KCNQ1: variants seen among roughly 807,000 people sequenced by gnomAD.
KCNQ1 encodes potassium voltage-gated channel subfamily Q member 1, also known as potassium voltage-gated channel subfamily KQT member 1.
In KCNQ1, 49 loss-of-function variants were observed where a neutral mutation model predicts 72.4. The observed-to-expected ratio is 0.68, with a 90% CI of 0.54 to 0.86. The LOEUF is 0.86. Ranked by LOEUF, KCNQ1 falls within the 40% of genes least tolerant of loss-of-function variation. The pLI is 0.00. For synonymous variants in KCNQ1, 450 were observed against 412.6 expected, an observed-to-expected ratio of 1.09 and a Z score of -1.10; for missense variants, 790 against 945.1, an observed-to-expected ratio of 0.84 and a Z score of 2.15.
chr11:2,445,212 G>A lies in KCNQ1; in HGVS notation c.114G>A (p.Leu38=), dbSNP rs1386513213. The A allele has an allele frequency of 1.8e-6, 2 of 1,140,576 alleles. No homozygotes were observed. Among genetic ancestry groups the A allele is most frequent in the Non-Finnish European group, 2.2e-6 (2 of 925,516 alleles). 70.7% of individuals were successfully genotyped at this position (1,140,576 alleles called of 1,614,324 possible). A position where few individuals can be genotyped will look rare whatever the true frequency, so the allele number is the denominator to read the frequency against. ...TGGCCAAGAAGTGCCCCTTCTCGCT[G>A]GAGCTGGCGGAGGGCGGCCCGGCGG... is the stretch of plus-strand genomic sequence containing the variant. The part of the protein sequence containing the change: ...AGLAKKCPFS[L]ELAEGGPAGG... Residue 38 remains leucine, a synonymous_variant, in exon 1 of 16, where the codon CTG becomes CTA. Transcript: ENST00000155840.
At chr11:2,637,660 G>T (rs569336352) in intron 10 of KCNQ1, 1 of 152,222 alleles carries the variant, frequency 6.6e-6, no homozygotes, top group Non-Finnish European at 1.5e-5. Context: ...TGTATATTCT[G>T]TTGATTTGGG....
chr11:2,500,839 A>G (rs914617783), intron 1 of KCNQ1, among the ~76,000 whole-genome samples: 21 of 124,704 alleles, frequency 1.7e-4, no homozygotes, highest in Admixed American at 9.5e-5. Flanking sequence ...ACACATGGAC[A>G]CAGGGAGGGG....
chr11:2,615,426 C>T (rs1406184776), intron 10 of KCNQ1: 2 of 397,868 alleles, frequency 5.0e-6, no homozygotes, highest in African/African-American at 2.1e-5. Flanking sequence ...ATGGTTAAAA[C>T]TTTCAGTACA....
intron 1 of KCNQ1, among the ~76,000 whole-genome samples, chr11:2,525,060 T>G (rs972928263): frequency 6.6e-6 from 1 of 151,804 alleles, no homozygotes; most frequent in Admixed American, 6.5e-5. Flanking sequence ...CCTGGTAGGG[T>G]GGAGAGAGCC....
At position 2,725,081 on chromosome 11, in the gene KCNQ1, A is replaced by C. The variant is rs769746145; in HGVS notation, c.1515-43763A>C. On this transcript the variant is annotated intron_variant, in intron 11 of 15. Coordinates refer to ENST00000155840, the MANE Select transcript of KCNQ1 (RefSeq NM_000218.3). This position sits in a 1 kb window ranked among gnomAD's most constrained non-coding sequence, Gnocchi z 7.2. Reference sequence around the variant, plus strand: ...TGAGAAGCATCAGACAATGACTCCTAAACAAGCTCACGTCTTGAAGCAGTG... The same window carrying C: ...TGAGAAGCATCAGACAATGACTCCTCAACAAGCTCACGTCTTGAAGCAGTG... Among the ~76,000 whole-genome samples, 2 of 152,188 alleles carry C rather than the reference A, an allele frequency of 1.3e-5. No homozygotes were observed. Among genetic ancestry groups the C allele is most frequent in the African/African-American group, 4.8e-5 (2 of 41,442 alleles).
chr11:2,704,733 G>A lies in KCNQ1; in HGVS notation c.1514+42652G>A, dbSNP rs143901608. 6.6e-6 allele frequency among the ~76,000 whole-genome samples: 1 copy of A among 152,318 alleles called. No homozygotes were observed. The highest frequency in any genetic ancestry group is 2.4e-5 in the African/African-American group (1 of 41,572). ...TCTGTGGAGGTGTGAGAAGTGCCAG[G>A]CTGGGCTCCCTCAGGCGGCAACTTT... is the stretch of plus-strand genomic sequence containing the variant. On this transcript the variant is annotated intron_variant, in intron 11 of 15. Transcript: ENST00000155840. The surrounding 1 kb of genome is among the most constrained non-coding windows in gnomAD (Gnocchi z 4.3).
Position 2,469,893 on chromosome 11 carries a change from C to T in KCNQ1, c.386+24409C>T, listed in dbSNP as rs922215379. On this transcript the variant is annotated intron_variant, in intron 1 of 15. Coordinates refer to ENST00000155840, the MANE Select transcript of KCNQ1 (RefSeq NM_000218.3). ...TTCACCGTGGTCTCCATCTCCTGAC[C>T]TCGTGATCCGCCCGCCTCAGCCTCC... Among the ~76,000 whole-genome samples the T allele has an allele frequency of 5.3e-5, 8 of 152,066 alleles. 1 individual carries two copies. The South Asian group carries it at 1.4e-3, about 28-fold the overall frequency.
At chr11:2,776,317 C>T (rs1343012004) in intron 13 of KCNQ1, among the ~76,000 whole-genome samples, 3 of 152,106 alleles carry the variant, frequency 2.0e-5, no homozygotes, top group Non-Finnish European at 2.9e-5. Flanking sequence ...AGGGGAGGCG[C>T]GTAGGGGAGG....
chr11:2,683,540 G>C lies in KCNQ1; in HGVS notation c.1514+21459G>C. The C allele has an allele frequency of 2.5e-6, 1 of 398,614 alleles. No homozygotes were observed. Among genetic ancestry groups the C allele is most frequent in the Non-Finnish European group, 4.4e-6 (1 of 226,062 alleles). The allele number at this position is 398,614 out of a possible 1,614,324, so 24.7% of individuals were successfully genotyped here. A position where few individuals can be genotyped will look rare whatever the true frequency, so the allele number is the denominator to read the frequency against. ...GTTCAGAGTAAACATTTCTAAAAAA[G>C]AGGTAGAAGCCCCTACCTACTGACT... On this transcript the variant is annotated intron_variant, in intron 11 of 15. Transcript: ENST00000155840. This position sits in a 1 kb window ranked among gnomAD's most constrained non-coding sequence, Gnocchi z 4.7.
chr11:2,667,281 T>C (rs1485105329), intron 11 of KCNQ1: 4 of 398,396 alleles, frequency 1.0e-5, no homozygotes, highest in Non-Finnish European at 1.8e-5. Flanking sequence ...GGGCTGCTGC[T>C]ATGGGGAGAG....
intron 10 of KCNQ1, among the ~76,000 whole-genome samples, chr11:2,596,590 A>C (rs1017323652): frequency 1.1e-4 from 16 of 139,994 alleles, no homozygotes; most frequent in East Asian, 7.9e-4. Context: ...GAAGCCAGAC[A>C]AAAAAAAAAA....
At chr11:2,501,689 C>T (rs1847011881) in intron 1 of KCNQ1, among the ~76,000 whole-genome samples, 1 of 135,766 alleles carries the variant, frequency 7.4e-6, no homozygotes, top group Non-Finnish European at 1.5e-5. Context: ...CCCGTATTAC[C>T]CTGTTACCAA....
chr11:2,570,724 C>A lies in KCNQ1; in HGVS notation c.574C>A (p.Arg192Ser). The A allele has an allele frequency of 6.2e-7, 1 of 1,611,890 alleles. No individual in the cohort carries two copies. Residue 192 changes from arginine to serine, a missense_variant, in exon 3 of 16, where the codon CGC (arginine) becomes AGC (serine). Around this residue, in one of 5 missense-constraint regions of KCNQ1, gnomAD observed 294 missense variants for 323.3 expected, o/e 0.91. Coordinates refer to ENST00000155840, the MANE Select transcript of KCNQ1 (RefSeq NM_000218.3). The part of the protein sequence containing the change: ...SKYVGLWGRL[R>S]FARKPISIID... ...GTACGTGGGCCTCTGGGGGCGGCTG[C>A]GCTTTGCCCGGAAGCCCATTTCCAT...
chr11:2,545,939 A>C (rs1184648246), intron 2 of KCNQ1, among the ~76,000 whole-genome samples: 1 of 152,204 alleles, frequency 6.6e-6, no homozygotes, highest in Non-Finnish European at 1.5e-5. Flanking sequence ...AAGTTTTAGC[A>C]AATTTATGGA....
intron 1 of KCNQ1, chr11:2,461,452 C>T: frequency 7.8e-7 from 1 of 1,286,558 alleles, no homozygotes; most frequent in Non-Finnish European, 1.0e-6. Context: ...CCTTCCTCCC[C>T]TGCAGCTTCC....
rs918993208 is a variant in KCNQ1, at chr11:2,462,564, T to G, written c.386+17080T>G. 6.6e-6 allele frequency among the ~76,000 whole-genome samples: 1 copy of G among 152,036 alleles called. No individual in the cohort carries two copies. The highest frequency in any genetic ancestry group is 1.5e-5 in the Non-Finnish European group (1 of 67,976). Reference sequence around the variant, plus strand: ...CGTGAGGCCCCCACCTGTTACTGAGTGGCAGGGACGTGCTCCCACACCCCC... The same window carrying G: ...CGTGAGGCCCCCACCTGTTACTGAGGGGCAGGGACGTGCTCCCACACCCCC... On this transcript the variant is annotated intron_variant, in intron 1 of 15. Coordinates refer to ENST00000155840, the MANE Select transcript of KCNQ1 (RefSeq NM_000218.3). The surrounding 1 kb of genome is among the most constrained non-coding windows in gnomAD (Gnocchi z 8.2).
At position 2,827,533 on chromosome 11, in the gene KCNQ1, C is replaced by T. The variant is rs1055580559; in HGVS notation, c.1795-20234C>T. Among the ~76,000 whole-genome samples the T allele has an allele frequency of 2.0e-5, 3 of 151,534 alleles. No individual in the cohort carries two copies. Among genetic ancestry groups the T allele is most frequent in the Admixed American group, 6.6e-5 (1 of 15,220 alleles). ...TTTCTGTCCACCCGCCGGAATGTGA[C>T]GCACGCCTGAGTCGCTGCAAGGGCC... On this transcript the variant is annotated intron_variant, in intron 15 of 15. Transcript: ENST00000155840. This position sits in a 1 kb window ranked among gnomAD's most constrained non-coding sequence, Gnocchi z 6.7.
chr11:2,628,083 A>G, intron 10 of KCNQ1: 1 of 398,592 alleles, frequency 2.5e-6, no homozygotes, highest in East Asian at 3.6e-5. Flanking sequence ...GACTACTGTA[A>G]CACTACAATG....
intron 2 of KCNQ1, among the ~76,000 whole-genome samples, chr11:2,535,438 AGCCACT>A (rs1847713621): frequency 6.6e-6 from 1 of 152,236 alleles, no homozygotes; most frequent in Non-Finnish European, 1.5e-5. Flanking sequence ...CGGAACTTGA[AGCCACT>A]GCCCTGTGGG....
Sources: gnomAD v4.1 joint callset for allele counts (sites outside exome capture counted in the v4.1 genomes callset) on GRCh38, gnomAD v4.1.1 for gene constraint, gnomAD v4.1.1 regional missense constraint, Gnocchi (gnomAD v3.1) non-coding constraint, MANE v1.5 for transcripts, NCBI Gene and HGNC (gene_info 2026-07-23, HGNC 2026-07-21) for gene names.